Variants in CHRM3 observed in about 807,000 individuals in gnomAD.
CHRM3 encodes the protein cholinergic receptor muscarinic 3.
A neutral mutation model predicts 41.8 loss-of-function variants in CHRM3; 11 were observed. The ratio of observed to expected loss-of-function variants is 0.26; its 90% CI spans 0.17 to 0.44. The LOEUF is 0.44. CHRM3 is among the 20% of genes least tolerant of loss of function. The pLI is 1.00. For missense variants in CHRM3, 571 were observed against 745.4 expected (o/e 0.77, Z 2.72); for synonymous variants, 297 against 301.4 (o/e 0.99, Z 0.15).
intron 5 of CHRM3, among the ~76,000 whole-genome samples, chr1:239,820,860 A>G (rs1019143196): frequency 3.9e-5 from 6 of 152,152 alleles, no homozygotes; most frequent in Admixed American, 3.3e-4. Context: ...CAAATTGCAA[A>G]TCTATTATGT....
intron 5 of CHRM3, among the ~76,000 whole-genome samples, chr1:239,816,760 C>G (rs1671626998): frequency 7.3e-6 from 1 of 136,812 alleles, no homozygotes; most frequent in African/African-American, 2.8e-5. Flanking sequence ...GAGAGGGAGT[C>G]TCACTCTGTT....
intron 3 of CHRM3, among the ~76,000 whole-genome samples, chr1:239,557,255 C>T (rs1660449797): frequency 2.0e-5 from 3 of 152,100 alleles, no homozygotes; most frequent in Admixed American, 1.3e-4. Flanking sequence ...TGATTCAAAC[C>T]TCCTTTAAAA....
chr1:239,747,060 AC>A (rs576704977), intron 5 of CHRM3, among the ~76,000 whole-genome samples: 69 of 152,030 alleles, frequency 4.5e-4, no homozygotes, highest in African/African-American at 1.6e-3. Flanking sequence ...CTGGCCTGTT[AC>A]TCTATTTCAA....
At chr1:239,615,550 C>T (rs1667540022) in intron 3 of CHRM3, among the ~76,000 whole-genome samples, 1 of 152,120 alleles carries the variant, frequency 6.6e-6, no homozygotes, top group African/African-American at 2.4e-5. Context: ...TAAACACAAG[C>T]AATAAACAAC....
chr1:239,654,191 A>C (rs1030074967), intron 4 of CHRM3, among the ~76,000 whole-genome samples: 4 of 152,074 alleles, frequency 2.6e-5, no homozygotes, highest in Admixed American at 6.5e-5. Flanking sequence ...GATGGTCTCA[A>C]ATTCCTGGGT....
At chr1:239,544,436 A>G (rs1026554651) in intron 2 of CHRM3, among the ~76,000 whole-genome samples, 1 of 152,164 alleles carries the variant, frequency 6.6e-6, no homozygotes, top group East Asian at 1.9e-4. Context: ...ATAGAATTCG[A>G]TCTCTAAATG....
At chr1:239,487,948 T>A (rs1027581657) in intron 1 of CHRM3, among the ~76,000 whole-genome samples, 1 of 149,806 alleles carries the variant, frequency 6.7e-6, no homozygotes, top group Non-Finnish European at 1.5e-5. Flanking sequence ...AATTAGGCAA[T>A]AAACAGTTCA....
intron 4 of CHRM3, among the ~76,000 whole-genome samples, chr1:239,642,134 C>G (rs1266306158): frequency 1.5e-5 from 2 of 129,854 alleles, no homozygotes; most frequent in African/African-American, 6.1e-5. Flanking sequence ...CCGAGAGACC[C>G]TCTGTTAGTC....
At chr1:239,709,040 C>A (rs1661496562) in intron 5 of CHRM3, among the ~76,000 whole-genome samples, 1 of 151,888 alleles carries the variant, frequency 6.6e-6, no homozygotes, top group Admixed American at 6.6e-5. Context: ...AGATATGTTA[C>A]CCCAAAATTA....
chr1:239,871,466 T>C (rs1220280257), intron 6 of CHRM3, among the ~76,000 whole-genome samples: 1 of 152,106 alleles, frequency 6.6e-6, no homozygotes, highest in Non-Finnish European at 1.5e-5. Flanking sequence ...GATCTCGATC[T>C]CTTGACGTTG....
intron 1 of CHRM3, among the ~76,000 whole-genome samples, chr1:239,414,801 G>T (rs2103065372): frequency 6.6e-6 from 1 of 152,254 alleles, no homozygotes; most frequent in East Asian, 1.9e-4. Flanking sequence ...AAAAACCACA[G>T]TTTGACTCTT....
intron 2 of CHRM3, among the ~76,000 whole-genome samples, chr1:239,525,423 T>C (rs1212842744): frequency 1.3e-5 from 2 of 149,966 alleles, no homozygotes; most frequent in African/African-American, 2.5e-5. Context: ...TCAGTTATTG[T>C]ATTTTTAAAT....
At chr1:239,409,548 C>A (rs1193885737) in intron 1 of CHRM3, among the ~76,000 whole-genome samples, 1 of 152,122 alleles carries the variant, frequency 6.6e-6, no homozygotes, top group Non-Finnish European at 1.5e-5. Context: ...AATCAGAAAA[C>A]AATGCTTACA....
chr1:239,662,387 G>A (rs1252314874), intron 4 of CHRM3, among the ~76,000 whole-genome samples: 1 of 152,028 alleles, frequency 6.6e-6, no homozygotes, highest in East Asian at 1.9e-4. Context: ...TTAACCTTGG[G>A]AAATAAAATT....
rs143089245 is a variant in CHRM3, at chr1:239,445,501, G to A, written c.-520-47208G>A. ...AGCACTTTGTACATGCCTCTGTTGCGGGTGGACTGTGTAGCCACTGTCTAA... is the reference window on the plus strand; with the variant it reads ...AGCACTTTGTACATGCCTCTGTTGCAGGTGGACTGTGTAGCCACTGTCTAA... On this transcript the variant is annotated intron_variant, in intron 1 of 6. Transcript: ENST00000676153. 4.6e-3 allele frequency among the ~76,000 whole-genome samples: 706 copies of A among 152,254 alleles called. 6 individuals are homozygous for A. The highest frequency in any genetic ancestry group is 0.016 in the African/African-American group (674 of 41,550).
At chr1:239,790,551 C>T (rs1669260197) in intron 5 of CHRM3, among the ~76,000 whole-genome samples, 1 of 152,138 alleles carries the variant, frequency 6.6e-6, no homozygotes, top group South Asian at 2.1e-4. Context: ...GTGAGGCCTC[C>T]CCAGCCATGT....
At chr1:239,549,719 A>G (rs985773102) in intron 3 of CHRM3, among the ~76,000 whole-genome samples, 3 of 151,546 alleles carry the variant, frequency 2.0e-5, no homozygotes, top group Admixed American at 1.3e-4. Flanking sequence ...TCCAATATCT[A>G]TCTGATACTA....
chr1:239,647,366 C>T (rs993926858), intron 4 of CHRM3, among the ~76,000 whole-genome samples: 12 of 152,082 alleles, frequency 7.9e-5, no homozygotes, highest in African/African-American at 2.4e-4. Context: ...TACTATTGAC[C>T]TTTTGAAATT....
At chr1:239,834,419 T>C (rs1673146283) in intron 6 of CHRM3, among the ~76,000 whole-genome samples, 1 of 151,152 alleles carries the variant, frequency 6.6e-6, no homozygotes, top group Non-Finnish European at 1.5e-5. Flanking sequence ...TTCAAACGAT[T>C]CTCCTGCCTC....
Sources: gnomAD v4.1 joint callset for allele counts (sites outside exome capture counted in the v4.1 genomes callset) on GRCh38, gnomAD v4.1.1 for gene constraint, MANE v1.5 for transcripts, NCBI Gene and HGNC (gene_info 2026-07-23, HGNC 2026-07-21) for gene names.